The following MRPS27 variants were observed in gnomAD, a reference collection of about 807,000 sequenced individuals.
MRPS27 encodes the protein small ribosomal subunit protein mS27.
Under a neutral mutation model 48.9 loss-of-function variants are expected in MRPS27, and 43 were observed. That is an observed-to-expected ratio of 0.88 (90% CI 0.69 to 1.13). MRPS27 has a LOEUF of 1.13. Among genes scored for constraint, MRPS27 ranks in the 50% most tolerant of loss-of-function variants. The pLI, the probability that MRPS27 is intolerant of heterozygous loss-of-function variation, is 0.00. For missense variants in MRPS27, 467 were observed against 476.3 expected, an observed-to-expected ratio of 0.98 and a Z score of 0.18; for synonymous variants, 188 against 171.9, an observed-to-expected ratio of 1.09 and a Z score of -0.73.
chr5:72,221,818 C>T (rs1421357600), intron 10 of MRPS27, among the ~76,000 whole-genome samples: 8 of 152,036 alleles, frequency 5.3e-5, no homozygotes, highest in African/African-American at 1.9e-4. Flanking sequence ...TCTAAGACTG[C>T]AGGTCAGTCT....
chr5:72,308,254 G>C (rs935509299), intron 2 of MRPS27, among the ~76,000 whole-genome samples: 2 of 152,244 alleles, frequency 1.3e-5, no homozygotes, highest in Admixed American at 1.3e-4. Flanking sequence ...CCCACTCCGA[G>C]AGGCCAGAAC....
In MRPS27 at chr5:72,282,142, A is replaced by G. The variant is rs114783192; in HGVS notation, c.281+13389T>C. ...GAAAATGAAAGCAGCCTAGACCACT[A>G]AACAGAATTCACATCAAATACTTCT... On this transcript the variant is annotated intron_variant, in intron 4 of 10. Coordinates refer to ENST00000261413, the MANE Select transcript of MRPS27 (RefSeq NM_015084.3). Among the ~76,000 whole-genome samples, 659 of 152,308 alleles carry G rather than the reference A, an allele frequency of 4.3e-3. 6 individuals are homozygous for G. Among genetic ancestry groups the G allele is most frequent in the African/African-American group, 0.015 (620 of 41,560 alleles).
At chr5:72,309,604 T>C (rs1750384085) in intron 2 of MRPS27, among the ~76,000 whole-genome samples, 1 of 152,176 alleles carries the variant, frequency 6.6e-6, no homozygotes, top group Non-Finnish European at 1.5e-5. Flanking sequence ...AGTTACTGCT[T>C]ACTCAGGTAT....
intron 5 of MRPS27, 105 bp from the exon 6 acceptor site, chr5:72,234,302 T>G (rs954602369): frequency 2.0e-6 from 2 of 977,904 alleles, no homozygotes; most frequent in African/African-American, 3.4e-5. Flanking sequence ...ACCATTAGCT[T>G]TAAAATATTT....
intron 3 of MRPS27, among the ~76,000 whole-genome samples, chr5:72,295,866 A>AAC (rs1470593304): frequency 1.3e-5 from 2 of 152,230 alleles, no homozygotes; most frequent in Non-Finnish European, 2.9e-5. Flanking sequence ...CCTTGCTCAG[A>AAC]ACAAGGAGAG....
At chr5:72,237,015 G>A (rs1748213730) in intron 5 of MRPS27, among the ~76,000 whole-genome samples, 1 of 151,306 alleles carries the variant, frequency 6.6e-6, no homozygotes, top group South Asian at 2.1e-4. Flanking sequence ...CACCTCCTAG[G>A]CTCAGGTGAT....
At chr5:72,290,333 A>G (rs1214961077) in intron 4 of MRPS27, among the ~76,000 whole-genome samples, 1 of 152,204 alleles carries the variant, frequency 6.6e-6, no homozygotes, top group Non-Finnish European at 1.5e-5. Flanking sequence ...AGGCAGACAG[A>G]TCCCTTTTAA....
intron 7 of MRPS27, 173 bp from the exon 8 acceptor site, chr5:72,228,541 A>C (rs1301210621): frequency 2.2e-6 from 1 of 451,886 alleles, no homozygotes; most frequent in African/African-American, 2.0e-5. Flanking sequence ...TACTTACGTC[A>C]AAGAAAAATA....
At chr5:72,230,943 T>C (rs1748050868) in intron 7 of MRPS27, among the ~76,000 whole-genome samples, 1 of 152,094 alleles carries the variant, frequency 6.6e-6, no homozygotes, top group Admixed American at 6.6e-5. Flanking sequence ...TCCTGGTCTC[T>C]ATGCTACCAT....
chr5:72,306,376 G>T (rs1561363414), intron 2 of MRPS27, among the ~76,000 whole-genome samples: 1 of 152,200 alleles, frequency 6.6e-6, no homozygotes, highest in Non-Finnish European at 1.5e-5. Context: ...CACTTACTAT[G>T]AAGTATTTAT....
intron 4 of MRPS27, among the ~76,000 whole-genome samples, chr5:72,256,445 C>A (rs930296042): frequency 6.6e-6 from 1 of 152,138 alleles, no homozygotes. Flanking sequence ...TATATAGAGC[C>A]GAAAAGGCAC....
At chr5:72,301,687 C>T (rs1403461664) in intron 2 of MRPS27, among the ~76,000 whole-genome samples, 1 of 152,200 alleles carries the variant, frequency 6.6e-6, no homozygotes, top group African/African-American at 2.4e-5. Context: ...TTGGCTGGAG[C>T]CTCAGAAAAG....
chr5:72,226,317 C>A, intron 8 of MRPS27, 118 bp from the exon 9 acceptor site: 1 of 1,205,506 alleles, frequency 8.3e-7, no homozygotes, highest in Non-Finnish European at 1.2e-6. Flanking sequence ...AGAGAAGGAT[C>A]ATTTTAAATC....
chr5:72,278,468 A>G (rs1580092775), intron 4 of MRPS27, among the ~76,000 whole-genome samples: 1 of 151,902 alleles, frequency 6.6e-6, no homozygotes, highest in African/African-American at 2.4e-5. Context: ...AAAAAAATTT[A>G]AAGTCTGTCA....
In MRPS27 at chr5:72,295,539, G is replaced by T. The variant is rs768425189; in HGVS notation, c.273C>A (p.Tyr91Ter). ...SREEIDHAEY[Y>*]LYKFRHSPNC... ...TCAAATGGAAAACTTACTTGTAAAG[G>T]TAATACTCTGCATGATCTATCTCTT... The change falls in exon 4 of 11, where the codon TAC becomes TAA. Residue 91 changes from tyrosine (Y) to a stop codon, truncating the protein, a stop_gained. Transcript: ENST00000261413. LOFTEE classifies it high-confidence loss of function. 1 of 1,608,796 alleles carries T rather than the reference G, an allele frequency of 6.2e-7. No homozygotes were observed. Among genetic ancestry groups the T allele is most frequent in the Non-Finnish European group, 8.5e-7 (1 of 1,175,388 alleles).
At chr5:72,261,005 A>G (rs1748951990) in intron 4 of MRPS27, among the ~76,000 whole-genome samples, 1 of 152,060 alleles carries the variant, frequency 6.6e-6, no homozygotes, top group South Asian at 2.1e-4. Context: ...CTGGGATTAC[A>G]GGCGTGTGTC....
intron 9 of MRPS27, 31 bp from the exon 10 acceptor site, chr5:72,223,881 A>G: frequency 6.2e-7 from 1 of 1,606,672 alleles, no homozygotes; most frequent in South Asian, 1.1e-5. Context: ...CAGCAACCAA[A>G]TGTTTTATGG....
intron 4 of MRPS27, among the ~76,000 whole-genome samples, chr5:72,283,021 T>C (rs1159236087): frequency 2.0e-5 from 3 of 152,224 alleles, no homozygotes; most frequent in Non-Finnish European, 4.4e-5. Context: ...GTCTGAGGCA[T>C]CTGGTGATAA....
chr5:72,262,309 G>C lies in MRPS27; in HGVS notation c.282-24181C>G, dbSNP rs373851797. Among the ~76,000 whole-genome samples, 7 of 152,090 alleles carry C rather than the reference G, an allele frequency of 4.6e-5. No individual in the cohort carries two copies. The East Asian group carries it at 9.6e-4, about 21-fold the overall frequency. On this transcript the variant is annotated intron_variant, in intron 4 of 10. Transcript: ENST00000261413. The stretch of plus-strand genomic sequence containing the variant: ...TATGATCATGTGGTTAGCAGTCAAC[G>C]AAAGGTGCTGCTGCTGCTGCTGCTA...
Sources: gnomAD v4.1 joint callset for allele counts (sites outside exome capture counted in the v4.1 genomes callset) on GRCh38, gnomAD v4.1.1 for gene constraint, MANE v1.5 for transcripts, NCBI Gene and HGNC (gene_info 2026-07-23, HGNC 2026-07-21) for gene names.